The following NFIB variants were observed in gnomAD, a reference collection of about 807,000 sequenced individuals.
NFIB encodes nuclear factor 1 B-type.
A neutral mutation model predicts 61.5 loss-of-function variants in NFIB; 11 were observed. The ratio of observed to expected loss-of-function variants is 0.18; its 90% CI spans 0.11 to 0.30. The LOEUF (loss-of-function observed/expected upper bound fraction) is 0.30, where lower values mean the gene tolerates loss of function less well. Among genes scored for constraint, NFIB ranks in the 10% least tolerant of loss-of-function variants. The pLI, the probability that NFIB is intolerant of heterozygous loss-of-function variation, is 1.00. For missense variants in NFIB, 471 were observed against 608.9 expected (o/e 0.77, Z 2.38); for synonymous variants, 260 against 216.5 (o/e 1.20, Z -1.76).
At chr9:14,121,702 CA>C (rs1278732307) in intron 7 of NFIB, among the ~76,000 whole-genome samples, 1 of 152,060 alleles carries the variant, frequency 6.6e-6, no homozygotes, top group African/African-American at 2.4e-5. Flanking sequence ...AAACACACAG[CA>C]ATGAAAATTT....
intron 2 of NFIB, among the ~76,000 whole-genome samples, chr9:14,241,308 T>A (rs2054320404): frequency 6.6e-6 from 1 of 152,122 alleles, no homozygotes; most frequent in African/African-American, 2.4e-5. Flanking sequence ...ATAGACTATA[T>A]CAGTATCAAC....
At chr9:14,124,126 A>C (rs768554632) in intron 7 of NFIB, among the ~76,000 whole-genome samples, 2 of 152,220 alleles carry the variant, frequency 1.3e-5, no homozygotes, top group Non-Finnish European at 2.9e-5. Flanking sequence ...ATACAGATAC[A>C]GAACAAATAT....
At chr9:14,255,162 G>T (rs1209079322) in intron 2 of NFIB, among the ~76,000 whole-genome samples, 2 of 152,098 alleles carry the variant, frequency 1.3e-5, no homozygotes, top group African/African-American at 4.8e-5. Context: ...GTTCGAGGCT[G>T]CAGTGAGCTA....
At position 14,120,766 on chromosome 9, in the gene NFIB, A is replaced by G. The variant is rs1271046101; in HGVS notation, c.1061-142T>C. 2.5e-6 allele frequency: 2 copies of G among 786,094 alleles called. No homozygotes were observed. The highest frequency in any genetic ancestry group is 6.4e-5 in the Admixed American group (2 of 31,130). The allele number at this position is 786,094 out of a possible 1,614,324, so 48.7% of individuals were successfully genotyped here. A position where few individuals can be genotyped will look rare whatever the true frequency, so the allele number is the denominator to read the frequency against. On this transcript the variant is annotated intron_variant, in intron 7 of 10. Transcript: ENST00000380953. The surrounding 1 kb of genome is among the most constrained non-coding windows in gnomAD (Gnocchi z 4.4). ...TGATTTAACCAAGCTCTCCTAAATC[A>G]ACAGTTACTTTTTCATTTTTATTCT...
the NFIB span, among the ~76,000 whole-genome samples, chr9:14,452,243 T>C: frequency 6.6e-6 from 1 of 152,104 alleles, no homozygotes; most frequent in Non-Finnish European, 1.5e-5. Context: ...TATGAGCTAC[T>C]AAAATTCCCC....
intron 9 of NFIB, among the ~76,000 whole-genome samples, chr9:14,115,566 C>T (rs187381663): frequency 1.4e-4 from 21 of 151,884 alleles, no homozygotes; most frequent in Non-Finnish European, 2.8e-4. Context: ...TATGGCCACA[C>T]TAAAAAGCAC....
At chr9:14,372,860 GAAT>G (rs1172515486) in intron 1 of NFIB, among the ~76,000 whole-genome samples, 2 of 151,746 alleles carry the variant, frequency 1.3e-5, no homozygotes, top group Non-Finnish European at 2.9e-5. Flanking sequence ...ACTCAGAGAA[GAAT>G]AAAAAAAGTT....
the NFIB span, among the ~76,000 whole-genome samples, chr9:14,483,103 G>A: frequency 6.6e-6 from 1 of 152,144 alleles, no homozygotes; most frequent in Non-Finnish European, 1.5e-5. Flanking sequence ...GCTATGAAGT[G>A]AATCATAACC....
chr9:14,297,811 T>C (rs915702622), intron 2 of NFIB, among the ~76,000 whole-genome samples: 9 of 152,228 alleles, frequency 5.9e-5, no homozygotes, highest in Middle Eastern at 3.2e-3. Flanking sequence ...TCATGAACTA[T>C]AATGTCATAT....
At chr9:14,427,948 T>TTTTTTTTG in the NFIB span, among the ~76,000 whole-genome samples, 1 of 104,034 alleles carries the variant, frequency 9.6e-6, no homozygotes, top group African/African-American at 3.7e-5. Flanking sequence ...TTTTTTTTTT[T>TTTTTTTTG]TTTTTTTTTT....
rs79358544 is a variant in NFIB, at chr9:14,192,227, T to C, written c.563-12447A>G. 4.7e-3 allele frequency among the ~76,000 whole-genome samples: 718 copies of C among 152,350 alleles called. 6 individuals are homozygous for C. The highest frequency in any genetic ancestry group is 0.015 in the African/African-American group (619 of 41,570). The stretch of plus-strand genomic sequence containing the variant: ...TAAAATTAACTAACAAGATTGTTCA[T>C]GGATATTTTGCAAAACCATCTAACA... On this transcript the variant is annotated intron_variant, in intron 2 of 10. Transcript: ENST00000380953.
At chr9:14,464,294 T>A in the NFIB span, among the ~76,000 whole-genome samples, 7 of 152,212 alleles carry the variant, frequency 4.6e-5, no homozygotes, top group African/African-American at 1.7e-4. Flanking sequence ...TCGATTCAGC[T>A]TATCGTGCAG....
the NFIB span, among the ~76,000 whole-genome samples, chr9:14,501,508 G>A: frequency 6.6e-6 from 1 of 152,136 alleles, no homozygotes; most frequent in African/African-American, 2.4e-5. Context: ...TTTTTCATCT[G>A]TAAAATTGGC....
intron 6 of NFIB, among the ~76,000 whole-genome samples, chr9:14,141,296 T>C (rs2041671986): frequency 6.6e-6 from 1 of 152,210 alleles, no homozygotes; most frequent in Admixed American, 6.5e-5. Flanking sequence ...AGTTTTATTT[T>C]TTAGTACCTA....
chr9:14,086,925 T>C lies in NFIB; in HGVS notation c.*1384A>G, dbSNP rs1329237845. ...CATAGAGGCAAAATGTGTCTGCCCA[T>C]GCACACTATGGATCTGTCAATACAA... On this transcript the variant is annotated 3_prime_UTR_variant, in exon 11 of 11. Transcript: ENST00000380953. 7 of 202,980 alleles carry C rather than the reference T, an allele frequency of 3.4e-5. 1 individual carries two copies. Among genetic ancestry groups the C allele is most frequent in the Admixed American group, 2.4e-4 (4 of 16,678 alleles). The allele number at this position is 202,980 out of a possible 1,614,324, so 12.6% of individuals were successfully genotyped here. A position where few individuals can be genotyped will look rare whatever the true frequency, so the allele number is the denominator to read the frequency against.
intron 2 of NFIB, among the ~76,000 whole-genome samples, chr9:14,236,694 G>A (rs2053780009): frequency 6.6e-6 from 1 of 152,052 alleles, no homozygotes; most frequent in African/African-American, 2.4e-5. Context: ...TTTTTCATGT[G>A]GTGTCATTGT....
chr9:14,434,765 A>C, the NFIB span, among the ~76,000 whole-genome samples: 1 of 152,224 alleles, frequency 6.6e-6, no homozygotes, highest in Non-Finnish European at 1.5e-5. Flanking sequence ...TTGAAGTAGT[A>C]AGTAGTCTAC....
In NFIB at chr9:14,084,147, T is replaced by C. The variant is rs2032465444; in HGVS notation, c.*4162A>G. On this transcript the variant is annotated 3_prime_UTR_variant, in exon 11 of 11. Coordinates refer to ENST00000380953, the MANE Select transcript of NFIB (RefSeq NM_001190737.2). ...AACTCCTAACATGGACAGATTTTCTTTTTAATACATAACTTAAGAGACTGG... is the reference window on the plus strand; with the variant it reads ...AACTCCTAACATGGACAGATTTTCTCTTTAATACATAACTTAAGAGACTGG... The C allele has an allele frequency of 4.9e-6, 1 of 202,638 alleles. No individual in the cohort carries two copies. The highest frequency in any genetic ancestry group is 1.0e-5 in the Non-Finnish European group (1 of 98,508). The allele number at this position is 202,638 out of a possible 1,614,324, so 12.6% of individuals were successfully genotyped here.
chr9:14,364,738 G>A (rs926146981), intron 1 of NFIB, among the ~76,000 whole-genome samples: 36 of 152,168 alleles, frequency 2.4e-4, no homozygotes, highest in African/African-American at 7.0e-4. Context: ...TAAAGAGCAC[G>A]TTTTGACAGT....
Sources: allele counts gnomAD v4.1 joint callset (sites outside exome capture counted in the v4.1 genomes callset), GRCh38; gene constraint gnomAD v4.1.1; non-coding constraint Gnocchi (gnomAD v3.1); transcripts MANE v1.5; gene names NCBI Gene and HGNC (gene_info 2026-07-23, HGNC 2026-07-21).